CACNA1C: variants seen among roughly 807,000 people sequenced by gnomAD.
CACNA1C encodes the protein voltage-dependent L-type calcium channel subunit alpha-1C.
A neutral mutation model predicts 229.0 loss-of-function variants in CACNA1C; 30 were observed. The ratio of observed to expected loss-of-function variants is 0.13; its 90% CI spans 0.10 to 0.18. The LOEUF (loss-of-function observed/expected upper bound fraction) is 0.18, where lower values mean the gene tolerates loss of function less well. Ranked by LOEUF, CACNA1C falls within the 10% of genes least tolerant of loss-of-function variation. The pLI is 1.00. For synonymous variants in CACNA1C, 1,114 were observed against 1,132.5 expected (o/e 0.98, Z 0.33); for missense variants, 1,658 against 2,845.0 (o/e 0.58, Z 9.49).
At chr12:2,511,951 A>C (rs181208811) in intron 8 of CACNA1C, among the ~76,000 whole-genome samples, 3 of 152,268 alleles carry the variant, frequency 2.0e-5, no homozygotes, top group Admixed American at 6.5e-5. Context: ...GTATTTTTCT[A>C]TTCTGATTGG....
chr12:2,675,630 C>T (rs1010441413), intron 39 of CACNA1C, among the ~76,000 whole-genome samples: 10 of 152,220 alleles, frequency 6.6e-5, no homozygotes, highest in African/African-American at 2.4e-4. Context: ...TAGTTTTCCT[C>T]AATTTACACA....
chr12:2,551,504 C>G (rs960065862), intron 10 of CACNA1C, among the ~76,000 whole-genome samples: 1 of 152,134 alleles, frequency 6.6e-6, no homozygotes, highest in African/African-American at 2.4e-5. Context: ...TAATATGCCC[C>G]GAATAAAATG....
chr12:2,551,976 TG>T (rs1429775694), intron 10 of CACNA1C, among the ~76,000 whole-genome samples: 1 of 152,034 alleles, frequency 6.6e-6, no homozygotes, highest in Admixed American at 6.5e-5. Flanking sequence ...TGTTTGAGGT[TG>T]TTGGGATGAA....
At chr12:2,259,138 G>C (rs2079082511) in intron 3 of CACNA1C, among the ~76,000 whole-genome samples, 2 of 152,170 alleles carry the variant, frequency 1.3e-5, no homozygotes, top group African/African-American at 4.8e-5. Flanking sequence ...GCTTAAAGCA[G>C]TGGTTCTCAG....
At chr12:2,032,362 A>T (rs964798503) in intron 1 of CACNA1C, among the ~76,000 whole-genome samples, 1 of 152,176 alleles carries the variant, frequency 6.6e-6, no homozygotes, top group East Asian at 1.9e-4. Flanking sequence ...GGCACTTAGC[A>T]CACCCGGCCA....
intron 1 of CACNA1C, among the ~76,000 whole-genome samples, chr12:2,106,403 T>TG (rs780187215): frequency 2.9e-4 from 20 of 67,896 alleles, no homozygotes; most frequent in South Asian, 5.7e-4. Flanking sequence ...CCACCTGAGC[T>TG]GGGCGTCCTG....
At chr12:2,272,669 G>A (rs1053745530) in intron 3 of CACNA1C, among the ~76,000 whole-genome samples, 1 of 152,200 alleles carries the variant, frequency 6.6e-6, no homozygotes, top group Non-Finnish European at 1.5e-5. Flanking sequence ...TTGCTTTGTT[G>A]TTCTTCTCAC....
Position 2,677,259 on chromosome 12 carries a change from C to T in CACNA1C, c.4956+38C>T. 1 of 1,606,114 alleles carries T rather than the reference C, an allele frequency of 6.2e-7. No homozygotes were observed. The highest frequency in any genetic ancestry group is 8.5e-7 in the Non-Finnish European group (1 of 1,175,536). On this transcript the variant is annotated intron_variant, in intron 40 of 46. Transcript: ENST00000399655. This position sits in a 1 kb window ranked among gnomAD's most constrained non-coding sequence, Gnocchi z 7.4. ...GGGCGGGCCCACACTCCAGGAAGGT[C>T]CTGGTCATTGCCTCTGACCTCCAGT...
intron 9 of CACNA1C, among the ~76,000 whole-genome samples, chr12:2,529,211 A>G (rs1368645023): frequency 1.3e-5 from 2 of 152,210 alleles, no homozygotes; most frequent in Non-Finnish European, 2.9e-5. Flanking sequence ...AGCCCCATCA[A>G]CCATCCCTTC....
At position 2,679,470 on chromosome 12, in the gene CACNA1C, C is replaced by T. The variant is rs372547992; in HGVS notation, c.5118C>T (p.His1706=). 4.4e-6 allele frequency: 7 copies of T among 1,589,710 alleles called. No homozygotes were observed. The African/African-American group carries it at 9.4e-5, about 21-fold the overall frequency. Residue 1706 remains histidine, a synonymous_variant, in exon 42 of 47, where the codon CAC becomes CAT. Transcript: ENST00000399655. The surrounding 1 kb of genome is among the most constrained non-coding windows in gnomAD (Gnocchi z 5.5). The part of the protein sequence containing the change: ...FRRAGGLFGN[H]VSYYQSDGRS... Reference sequence around the variant, plus strand: ...GGGCCGGTGGCCTGTTCGGCAACCACGTCAGCTACTACCAAAGCGACGGCC... The same window carrying T: ...GGGCCGGTGGCCTGTTCGGCAACCATGTCAGCTACTACCAAAGCGACGGCC...
At chr12:2,362,170 G>A (rs1455632092) in intron 3 of CACNA1C, among the ~76,000 whole-genome samples, 1 of 152,188 alleles carries the variant, frequency 6.6e-6, no homozygotes, top group African/African-American at 2.4e-5. Flanking sequence ...ATGCGCTGGG[G>A]ACATACAGAG....
chr12:2,461,007 C>T (rs1180940545), intron 5 of CACNA1C, among the ~76,000 whole-genome samples: 1 of 152,228 alleles, frequency 6.6e-6, no homozygotes, highest in Non-Finnish European at 1.5e-5. Flanking sequence ...CAAACCTAGA[C>T]AAATGCCTCC....
intron 3 of CACNA1C, among the ~76,000 whole-genome samples, chr12:2,235,087 G>A (rs117924617): frequency 6.6e-6 from 1 of 152,110 alleles, no homozygotes; most frequent in Non-Finnish European, 1.5e-5. Flanking sequence ...CTGCACATCC[G>A]CTCTTCCATT....
chr12:2,628,747 A>AT (rs2088626601), intron 29 of CACNA1C, among the ~76,000 whole-genome samples: 1 of 151,296 alleles, frequency 6.6e-6, no homozygotes, highest in Non-Finnish European at 1.5e-5. Context: ...TCTCTACAAA[A>AT]AAAAATTAAA....
intron 3 of CACNA1C, among the ~76,000 whole-genome samples, chr12:2,429,889 G>C (rs371233515): frequency 6.6e-6 from 1 of 152,202 alleles, no homozygotes; most frequent in Non-Finnish European, 1.5e-5. Flanking sequence ...AGAGGAGGCT[G>C]TGCATACAAA....
At chr12:2,413,535 T>A (rs2098831911) in intron 3 of CACNA1C, among the ~76,000 whole-genome samples, 1 of 152,188 alleles carries the variant, frequency 6.6e-6, no homozygotes, top group Non-Finnish European at 1.5e-5. Flanking sequence ...AGAGCTCTGA[T>A]AAAATGCAGC....
chr12:2,093,449 A>T (rs2072293897), intron 1 of CACNA1C, among the ~76,000 whole-genome samples: 1 of 152,236 alleles, frequency 6.6e-6, no homozygotes, highest in East Asian at 1.9e-4. Flanking sequence ...TTACATGGAT[A>T]TAAGAAAGGC....
chr12:2,456,367 C>T (rs2099418955), intron 4 of CACNA1C, among the ~76,000 whole-genome samples: 1 of 152,256 alleles, frequency 6.6e-6, no homozygotes, highest in African/African-American at 2.4e-5. Flanking sequence ...TCTCCCACAA[C>T]AGCAGAATGA....
intron 3 of CACNA1C, among the ~76,000 whole-genome samples, chr12:2,232,341 G>T (rs980390046): frequency 6.9e-6 from 1 of 144,726 alleles, no homozygotes; most frequent in Non-Finnish European, 1.5e-5. Flanking sequence ...ATCTGGGTTT[G>T]TCTGATGTTT....
Sources: gnomAD v4.1 joint callset for allele counts (sites outside exome capture counted in the v4.1 genomes callset) on GRCh38, gnomAD v4.1.1 for gene constraint, Gnocchi (gnomAD v3.1) non-coding constraint, MANE v1.5 for transcripts, NCBI Gene and HGNC (gene_info 2026-07-23, HGNC 2026-07-21) for gene names.